Variants in SPIDR observed in about 807,000 individuals in gnomAD.
SPIDR encodes DNA repair-scaffolding protein.
A neutral mutation model predicts 104.6 loss-of-function variants in SPIDR; 93 were observed. That is an observed-to-expected ratio of 0.89 (90% CI 0.75 to 1.06). SPIDR has a LOEUF of 1.06. Among genes scored for constraint, SPIDR ranks in the 50% least tolerant of loss-of-function variants. The probability of loss-of-function intolerance (pLI) is 0.00; values close to 1 mark genes in which losing one functional copy is unlikely to be tolerated. For synonymous variants in SPIDR, 431 were observed against 416.9 expected (o/e 1.03, Z -0.41); for missense variants, 1,154 against 1,111.2 (o/e 1.04, Z -0.55).
chr8:47,329,848 G>A (rs1426291229), intron 5 of SPIDR, among the ~76,000 whole-genome samples: 13 of 152,020 alleles, frequency 8.6e-5, no homozygotes, highest in African/African-American at 3.1e-4. Flanking sequence ...TCCTTAGTTT[G>A]GTAAAGCTTT....
intron 10 of SPIDR, among the ~76,000 whole-genome samples, chr8:47,647,384 G>A (rs1354587835): frequency 6.6e-6 from 1 of 152,178 alleles, no homozygotes; most frequent in African/African-American, 2.4e-5. Flanking sequence ...GGAGGCCGAG[G>A]TGGGTGGATC....
At chr8:47,265,188 CTTTT>C (rs397892978) in intron 1 of SPIDR, among the ~76,000 whole-genome samples, 5 of 108,996 alleles carry the variant, frequency 4.6e-5, no homozygotes, top group African/African-American at 1.1e-4. Context: ...TCTCAGTTGT[CTTTT>C]TTTTTTTTTT....
intron 8 of SPIDR, among the ~76,000 whole-genome samples, chr8:47,500,647 T>G (rs1273790185): frequency 6.6e-6 from 1 of 152,244 alleles, no homozygotes; most frequent in Non-Finnish European, 1.5e-5. Flanking sequence ...TTTAGTTTAA[T>G]TGAATCCCAT....
intron 10 of SPIDR, among the ~76,000 whole-genome samples, chr8:47,668,353 T>G (rs2075278421): frequency 6.6e-6 from 1 of 152,164 alleles, no homozygotes; most frequent in Non-Finnish European, 1.5e-5. Flanking sequence ...AAAACTACTT[T>G]AATACTCAGA....
chr8:47,735,306 G>A lies in SPIDR; in HGVS notation c.2605-1G>A, dbSNP rs1246816909. The A allele has an allele frequency of 6.2e-7, 1 of 1,614,032 alleles. No individual in the cohort carries two copies. Among genetic ancestry groups the A allele is most frequent in the Non-Finnish European group, 8.5e-7 (1 of 1,180,000 alleles). On this transcript the variant is annotated splice_acceptor_variant, in intron 19 of 19. Coordinates refer to ENST00000297423, the MANE Select transcript of SPIDR (RefSeq NM_001080394.4). LOFTEE classifies it high-confidence loss of function. Reference sequence around the variant, plus strand: ...AACCAGCGTGCCTTTTATCACTGCAGAGCTACGAAGTGAAGAGTGTCCTCG... The same window carrying A: ...AACCAGCGTGCCTTTTATCACTGCAAAGCTACGAAGTGAAGAGTGTCCTCG...
chr8:47,458,701 T>G (rs567217564), intron 8 of SPIDR, among the ~76,000 whole-genome samples: 1 of 152,114 alleles, frequency 6.6e-6, no homozygotes, highest in Non-Finnish European at 1.5e-5. Context: ...AAAGTGGACA[T>G]CCTTGTCGTA....
At chr8:47,276,524 A>C (rs974105777) in intron 1 of SPIDR, among the ~76,000 whole-genome samples, 18 of 152,362 alleles carry the variant, frequency 1.2e-4, no homozygotes, top group Admixed American at 2.0e-4. Flanking sequence ...ATACTTGTAC[A>C]TCTATAATGT....
At chr8:47,522,800 T>C (rs2084370594) in intron 8 of SPIDR, among the ~76,000 whole-genome samples, 1 of 152,142 alleles carries the variant, frequency 6.6e-6, no homozygotes, top group Admixed American at 6.5e-5. Flanking sequence ...TTTGGATAGG[T>C]TTTATTTTTT....
intron 10 of SPIDR, among the ~76,000 whole-genome samples, chr8:47,616,819 A>G (rs2154433404): frequency 6.6e-6 from 1 of 152,348 alleles, no homozygotes; most frequent in South Asian, 2.1e-4. Flanking sequence ...TTGTCACAAT[A>G]TTATTCACTG....
intron 10 of SPIDR, among the ~76,000 whole-genome samples, chr8:47,630,339 G>A (rs2066865404): frequency 6.6e-6 from 1 of 152,160 alleles, no homozygotes; most frequent in Non-Finnish European, 1.5e-5. Flanking sequence ...GAGAGGAGTG[G>A]AAAAGCATCC....
chr8:47,723,025 ATTG>A lies in SPIDR; in HGVS notation c.2342-4150_2342-4148del, dbSNP rs369381394. ...TGCCCAGTTAATTTTTGTTGTTGTT[ATTG>A]TTGTTGTTGTTGTTGTTGTTGTTGA... On this transcript the variant is annotated intron_variant, in intron 16 of 19. Coordinates refer to ENST00000297423, the MANE Select transcript of SPIDR (RefSeq NM_001080394.4). Among the ~76,000 whole-genome samples the A allele has an allele frequency of 6.0e-4, 91 of 150,664 alleles. 1 individual carries two copies. The highest frequency in any genetic ancestry group is 1.2e-3 in the East Asian group (6 of 5,130).
At chr8:47,653,994 G>T (rs1198149885) in intron 10 of SPIDR, 2 of 1,273,450 alleles carry the variant, frequency 1.6e-6, no homozygotes, top group African/African-American at 3.1e-5. Flanking sequence ...TAGATGAGTG[G>T]GAGTGGCAAG....
chr8:47,730,302 C>A (rs376892434), intron 19 of SPIDR, among the ~76,000 whole-genome samples: 4 of 152,184 alleles, frequency 2.6e-5, no homozygotes, highest in South Asian at 2.1e-4. Flanking sequence ...ATAAATGAGA[C>A]ATCTGTCCTA....
intron 7 of SPIDR, among the ~76,000 whole-genome samples, chr8:47,420,958 A>G (rs73565235): frequency 0.018 from 2,750 of 152,356 alleles, 84 homozygotes; most frequent in African/African-American, 0.064. Context: ...TCTGGCTTGC[A>G]GAGTTTCTGC....
chr8:47,371,683 T>C (rs2154295412), intron 5 of SPIDR, among the ~76,000 whole-genome samples: 2 of 152,324 alleles, frequency 1.3e-5, no homozygotes, highest in Middle Eastern at 3.4e-3. Flanking sequence ...AATGGTTTAC[T>C]TCTCTGTAAA....
chr8:47,499,987 G>T (rs1234856799), intron 8 of SPIDR, among the ~76,000 whole-genome samples: 1 of 152,152 alleles, frequency 6.6e-6, no homozygotes, highest in East Asian at 1.9e-4. Flanking sequence ...CTTTTTTATG[G>T]CTGCATAGTA....
chr8:47,428,849 C>T (rs782153513), intron 7 of SPIDR, among the ~76,000 whole-genome samples: 4 of 152,298 alleles, frequency 2.6e-5, no homozygotes, highest in Non-Finnish European at 5.9e-5. Flanking sequence ...TTTCTTATAT[C>T]CCCTTTCCTC....
chr8:47,343,529 C>G (rs2051194154), intron 5 of SPIDR, among the ~76,000 whole-genome samples: 1 of 152,140 alleles, frequency 6.6e-6, no homozygotes, highest in African/African-American at 2.4e-5. Flanking sequence ...CCAGAAGAAG[C>G]CTGAGGATTT....
chr8:47,595,644 A>G (rs941279260), intron 8 of SPIDR, among the ~76,000 whole-genome samples, 167 bp from the exon 9 acceptor site: 5 of 152,144 alleles, frequency 3.3e-5, no homozygotes, highest in Non-Finnish European at 1.5e-5. Context: ...AAGTCAGACT[A>G]CTGGTGGCCA....
Sources: allele counts gnomAD v4.1 joint callset (sites outside exome capture counted in the v4.1 genomes callset), GRCh38; gene constraint gnomAD v4.1.1; transcripts MANE v1.5; gene names NCBI Gene and HGNC (gene_info 2026-07-23, HGNC 2026-07-21).